The following ARRB1 variants were observed in gnomAD, a reference collection of about 807,000 sequenced individuals.
The protein encoded by ARRB1 is beta-arrestin-1.
Under a neutral mutation model 56.8 loss-of-function variants are expected in ARRB1, and 21 were observed. That is an observed-to-expected ratio of 0.37 (90% CI 0.26 to 0.53). The LOEUF is 0.53. ARRB1 is among the 20% of genes least tolerant of loss of function. ARRB1 has a pLI of 0.88. For synonymous variants in ARRB1, 210 were observed against 218.6 expected, an observed-to-expected ratio of 0.96 and a Z score of 0.35; for missense variants, 424 against 553.7, an observed-to-expected ratio of 0.77 and a Z score of 2.35.
chr11:75,297,111 A>G (rs1054858616), intron 1 of ARRB1, among the ~76,000 whole-genome samples: 1 of 152,214 alleles, frequency 6.6e-6, no homozygotes, highest in African/African-American at 2.4e-5. Context: ...TACCCAAAAG[A>G]AATAAATGAG....
At chr11:75,306,734 C>T in intron 1 of ARRB1, 2 of 1,188,566 alleles carry the variant, frequency 1.7e-6, no homozygotes, top group South Asian at 2.9e-5. Flanking sequence ...GGGTTAGTTA[C>T]AAAGAAAAGG....
In ARRB1 at chr11:75,262,509, T is replaced by G. The variant is rs1038804947; in HGVS notation, c.*3654A>C. 6.6e-6 allele frequency: 1 copy of G among 152,276 alleles called. No homozygotes were observed. Among genetic ancestry groups the G allele is most frequent in the African/African-American group, 2.4e-5 (1 of 41,474 alleles). 9.4% of individuals were successfully genotyped at this position (152,276 alleles called of 1,614,324 possible). A position where few individuals can be genotyped will look rare whatever the true frequency, so the allele number is the denominator to read the frequency against. On this transcript the variant is annotated 3_prime_UTR_variant, in exon 16 of 16. Transcript: ENST00000420843. The stretch of plus-strand genomic sequence containing the variant: ...GAGAAGCAGGGCAAGCGATGAAGAC[T>G]GGTGGGGAGGGCTCCTCCTGCAGCA...
At chr11:75,297,268 GAAAA>G (rs61232550) in intron 1 of ARRB1, among the ~76,000 whole-genome samples, 4 of 139,162 alleles carry the variant, frequency 2.9e-5, no homozygotes, top group Non-Finnish European at 4.8e-5. Context: ...AAACTATCTT[GAAAA>G]AAAAAAAAAA....
At chr11:75,309,289 C>G (rs2140478722) in intron 1 of ARRB1, among the ~76,000 whole-genome samples, 3 of 152,388 alleles carry the variant, frequency 2.0e-5, no homozygotes, top group Middle Eastern at 6.8e-3. Context: ...CCAGGCCTCT[C>G]TGAGGGCACC....
chr11:75,312,005 G>A (rs1021717463), intron 1 of ARRB1: 763 of 1,278,882 alleles, frequency 6.0e-4, no homozygotes, highest in Non-Finnish European at 7.2e-4. Context: ...GACCGTTCTC[G>A]AAGGCCCAGA....
intron 7 of ARRB1, among the ~76,000 whole-genome samples, chr11:75,279,816 T>C (rs919958434): frequency 6.6e-6 from 1 of 152,164 alleles, no homozygotes; most frequent in African/African-American, 2.4e-5. Flanking sequence ...TACAGGCATA[T>C]GCCACCACAC....
chr11:75,320,874 C>T (rs955100044), intron 1 of ARRB1, among the ~76,000 whole-genome samples: 2 of 152,174 alleles, frequency 1.3e-5, no homozygotes, highest in South Asian at 2.1e-4. Context: ...CATTTCCATT[C>T]GCAAAGCCTT....
chr11:75,315,696 G>A (rs560289728), intron 1 of ARRB1, among the ~76,000 whole-genome samples: 5 of 152,286 alleles, frequency 3.3e-5, no homozygotes, highest in African/African-American at 4.8e-5. Context: ...GCCACAAGGC[G>A]CCTTCCACTA....
At chr11:75,345,685 G>T (rs570326901) in intron 1 of ARRB1, among the ~76,000 whole-genome samples, 1 of 152,258 alleles carries the variant, frequency 6.6e-6, no homozygotes, top group South Asian at 2.1e-4. Flanking sequence ...TAATAGGAGT[G>T]GTATAACCCT....
chr11:75,340,069 C>T (rs983126272), intron 1 of ARRB1, among the ~76,000 whole-genome samples: 2 of 152,192 alleles, frequency 1.3e-5, no homozygotes, highest in Non-Finnish European at 2.9e-5. Flanking sequence ...GGGACAGGCC[C>T]GGCCACTTCG....
intron 3 of ARRB1, among the ~76,000 whole-genome samples, chr11:75,285,490 G>A (rs1946448807): frequency 6.6e-6 from 1 of 152,340 alleles, no homozygotes; most frequent in Non-Finnish European, 1.5e-5. Context: ...CTTCACTGCT[G>A]GTGGAAGAGG....
At chr11:75,329,925 A>T (rs922399) in intron 1 of ARRB1, among the ~76,000 whole-genome samples, 3,388 of 152,082 alleles carry the variant, frequency 0.022, 198 homozygotes, top group Admixed American at 0.13. Context: ...ACTTGACCCC[A>T]GGAGTTCGAG....
intron 7 of ARRB1, among the ~76,000 whole-genome samples, chr11:75,280,689 G>T (rs995344673): frequency 6.6e-6 from 1 of 152,236 alleles, no homozygotes; most frequent in Admixed American, 6.5e-5. Flanking sequence ...CCTGCTGAAC[G>T]CCTCCCAGGA....
At chr11:75,294,597 ATAAATAAATAACT>A (rs1337350528) in intron 1 of ARRB1, among the ~76,000 whole-genome samples, 17 of 71,348 alleles carry the variant, frequency 2.4e-4, no homozygotes, top group African/African-American at 9.0e-4. Flanking sequence ...AAATAAATAA[ATAAATAAATAACT>A]TAAAATATTT....
chr11:75,307,501 G>C (rs1233341629), intron 1 of ARRB1, among the ~76,000 whole-genome samples: 1 of 152,140 alleles, frequency 6.6e-6, no homozygotes, highest in African/African-American at 2.4e-5. Context: ...GTTACACAGA[G>C]AGTCCCAGGA....
chr11:75,315,429 C>A (rs1217210318), intron 1 of ARRB1, among the ~76,000 whole-genome samples: 1 of 152,136 alleles, frequency 6.6e-6, no homozygotes, highest in Non-Finnish European at 1.5e-5. Context: ...TATTTACCCA[C>A]AGAAACTGCG....
intron 1 of ARRB1, among the ~76,000 whole-genome samples, chr11:75,315,142 C>A (rs1947243923): frequency 6.6e-6 from 1 of 152,216 alleles, no homozygotes; most frequent in Admixed American, 6.5e-5. Context: ...TGGGCACCCA[C>A]TCTGAGTATG....
At position 75,276,843 on chromosome 11, in the gene ARRB1, C is replaced by T; in HGVS notation, c.772G>A (p.Ala258Thr). Residue 258 changes from alanine (A) to threonine (T), a missense_variant, in exon 10 of 16, where the codon GCT (alanine) becomes ACT (threonine). Ala to Thr is a moderately conservative substitution (Grantham distance 58). This residue lies in a region of ARRB1 where 301 missense variants were observed against 387.9 expected (regional missense o/e 0.78). Coordinates refer to ENST00000420843, the MANE Select transcript of ARRB1 (RefSeq NM_004041.5). ...GCCAGACTTGTGCCCACTTACTCAG[C>T]CTCTTCCATGGCAACAGGGCACTTG... ...QYKCPVAMEE[A>T]DDTVAPSSTF... is the part of the protein sequence containing the mutation. 6.2e-7 allele frequency: 1 copy of T among 1,614,116 alleles called. No individual in the cohort carries two copies. The highest frequency in any genetic ancestry group is 8.5e-7 in the Non-Finnish European group (1 of 1,179,964).
chr11:75,284,661 T>C (rs561856408), intron 3 of ARRB1, among the ~76,000 whole-genome samples: 14 of 152,290 alleles, frequency 9.2e-5, no homozygotes, highest in African/African-American at 3.4e-4. Context: ...CCCAACACTT[T>C]GGGAGGCTGA....
Sources: allele counts gnomAD v4.1 joint callset (sites outside exome capture counted in the v4.1 genomes callset), GRCh38; gene constraint gnomAD v4.1.1; regional missense constraint gnomAD v4.1.1; transcripts MANE v1.5; gene names NCBI Gene and HGNC (gene_info 2026-07-23, HGNC 2026-07-21).